Variants in PCDH15 observed in about 807,000 individuals in gnomAD.
PCDH15 encodes protocadherin related 15.
A neutral mutation model predicts 178.5 loss-of-function variants in PCDH15; 129 were observed. That is an observed-to-expected ratio of 0.72 (90% CI 0.63 to 0.84). The LOEUF (loss-of-function observed/expected upper bound fraction) is 0.84, where lower values mean the gene tolerates loss of function less well. Among genes scored for constraint, PCDH15 ranks in the 40% least tolerant of loss-of-function variants. The pLI, the probability that PCDH15 is intolerant of heterozygous loss-of-function variation, is 0.00. For synonymous variants in PCDH15, 800 were observed against 732.0 expected (o/e 1.09, Z -1.50); for missense variants, 2,230 against 2,099.9 (o/e 1.06, Z -1.21).
chr10:54,693,936 C>T (rs1194809152), intron 1 of PCDH15, among the ~76,000 whole-genome samples: 1 of 151,850 alleles, frequency 6.6e-6, no homozygotes, highest in Admixed American at 6.6e-5. Flanking sequence ...TTTTTCTCAA[C>T]GAAGTATATT....
chr10:54,162,524 A>G (rs561057439), intron 13 of PCDH15, among the ~76,000 whole-genome samples: 3 of 152,340 alleles, frequency 2.0e-5, no homozygotes, highest in Admixed American at 6.5e-5. Context: ...ATTTCAAGAT[A>G]AGATACCTTC....
intron 2 of PCDH15, among the ~76,000 whole-genome samples, chr10:54,975,932 G>T (rs1281537980): frequency 6.6e-6 from 1 of 151,852 alleles, no homozygotes; most frequent in Non-Finnish European, 1.5e-5. Flanking sequence ...TAGAACGCAA[G>T]TTTTTTTTGA....
At chr10:54,573,976 G>A (rs1400545591) in intron 2 of PCDH15, among the ~76,000 whole-genome samples, 1 of 152,158 alleles carries the variant, frequency 6.6e-6, no homozygotes, top group Non-Finnish European at 1.5e-5. Context: ...TGTGTAGGTT[G>A]CCTGTTCACT....
At position 55,206,815 on chromosome 10, in the gene PCDH15, T is replaced by C. The variant is rs186019716; in HGVS notation, c.-155-40164A>G. Among the ~76,000 whole-genome samples the C allele has an allele frequency of 2.6e-5, 4 of 152,200 alleles. No individual in the cohort carries two copies. In the East Asian group the frequency reaches 7.7e-4, roughly 29 times the overall value. On this transcript the variant is annotated intron_variant, in intron 1 of 5. Coordinates refer to the PCDH15 transcript ENST00000458638. The stretch of plus-strand genomic sequence containing the variant: ...GTACTTAAATATGGAATCAAAGTTA[T>C]TGCCTGAATAAATAATTTTGAAATT...
chr10:54,192,805 C>T (rs1007684688), intron 11 of PCDH15, among the ~76,000 whole-genome samples: 1 of 152,050 alleles, frequency 6.6e-6, no homozygotes, highest in East Asian at 1.9e-4. Context: ...AATTACTTGA[C>T]ACTTTTATAA....
At chr10:54,818,001 C>G (rs1255607658) in intron 3 of PCDH15, among the ~76,000 whole-genome samples, 2 of 151,942 alleles carry the variant, frequency 1.3e-5, no homozygotes, top group Non-Finnish European at 2.9e-5. Flanking sequence ...TTCTTTATAA[C>G]CTCCCTGATC....
intron 3 of PCDH15, among the ~76,000 whole-genome samples, chr10:54,835,139 A>T (rs1483321220): frequency 6.6e-6 from 1 of 152,150 alleles, no homozygotes. Flanking sequence ...CTCAATAATA[A>T]TATTATGTTG....
intron 1 of PCDH15, among the ~76,000 whole-genome samples, chr10:54,742,814 C>T (rs1307888527): frequency 2.0e-5 from 3 of 152,072 alleles, no homozygotes; most frequent in East Asian, 1.9e-4. Flanking sequence ...AAGAAGTCTT[C>T]GTCACAAAGA....
At chr10:55,095,314 C>T (rs1842422925) in intron 2 of PCDH15, among the ~76,000 whole-genome samples, 1 of 151,708 alleles carries the variant, frequency 6.6e-6, no homozygotes, top group African/African-American at 2.4e-5. Context: ...ACATACTTAT[C>T]TTAAATATAT....
At chr10:54,921,125 C>T (rs891758794) in intron 2 of PCDH15, among the ~76,000 whole-genome samples, 1 of 152,052 alleles carries the variant, frequency 6.6e-6, no homozygotes, top group African/African-American at 2.4e-5. Context: ...TGGTAAAAGA[C>T]TCTTATCCAT....
chr10:53,871,510 G>A (rs907952761), intron 26 of PCDH15, among the ~76,000 whole-genome samples: 1 of 148,824 alleles, frequency 6.7e-6, no homozygotes, highest in Non-Finnish European at 1.5e-5. Context: ...ATATGACCAA[G>A]TCCAGTGTAA....
intron 3 of PCDH15, among the ~76,000 whole-genome samples, chr10:54,843,964 A>G (rs1953462646): frequency 6.6e-6 from 1 of 152,046 alleles, no homozygotes; most frequent in Admixed American, 6.6e-5. Flanking sequence ...CAAAATAGGA[A>G]AATAGTTTTA....
Position 54,496,912 on chromosome 10 carries a change from G to A in PCDH15, c.157+30900C>T, listed in dbSNP as rs143878285. 3.4e-3 allele frequency among the ~76,000 whole-genome samples: 510 copies of A among 151,990 alleles called. 1 individual carries two copies. The highest frequency in any genetic ancestry group is 0.012 in the African/African-American group (488 of 41,462). ...GTTCTGTATTATTGTACATAGAGAG[G>A]GTAATGTATGCCTAAACACATTATC... On this transcript the variant is annotated intron_variant, in intron 3 of 37. Coordinates refer to ENST00000644397, the MANE Select transcript of PCDH15 (RefSeq NM_001384140.1).
chr10:54,731,563 T>TATATATATATATATGCACAC, intron 1 of PCDH15, among the ~76,000 whole-genome samples: 1 of 49,928 alleles, frequency 2.0e-5, no homozygotes, highest in African/African-American at 6.5e-5. Flanking sequence ...TATATATATA[T>TATATATATATATATGCACAC]ACACACACAC....
intron 2 of PCDH15, among the ~76,000 whole-genome samples, chr10:54,635,070 AT>A: frequency 6.6e-6 from 1 of 151,400 alleles, no homozygotes; most frequent in Non-Finnish European, 1.5e-5. Flanking sequence ...AATTTTGATT[AT>A]TTTTTCCTTG....
chr10:54,260,516 T>C (rs955511817), intron 8 of PCDH15, among the ~76,000 whole-genome samples: 3 of 152,096 alleles, frequency 2.0e-5, no homozygotes, highest in Admixed American at 2.0e-4. Context: ...ATGATTTATA[T>C]AGTCTTTAAA....
intron 2 of PCDH15, among the ~76,000 whole-genome samples, chr10:55,070,596 T>C (rs966712016): frequency 2.2e-4 from 33 of 152,286 alleles, no homozygotes; most frequent in African/African-American, 7.7e-4. Flanking sequence ...TGTAGATACG[T>C]GGCGTTATTT....
At chr10:54,270,025 A>T (rs2057946532) in intron 8 of PCDH15, among the ~76,000 whole-genome samples, 1 of 152,062 alleles carries the variant, frequency 6.6e-6, no homozygotes, top group African/African-American at 2.4e-5. Flanking sequence ...GTATTCATTT[A>T]TCTTTGATCT....
chr10:54,591,117 C>A (rs976270116), intron 2 of PCDH15, among the ~76,000 whole-genome samples: 3 of 152,220 alleles, frequency 2.0e-5, no homozygotes, highest in East Asian at 3.9e-4. Flanking sequence ...GCCCCTAGAA[C>A]CCCAGTGCCT....
Sources: allele counts gnomAD v4.1 joint callset (sites outside exome capture counted in the v4.1 genomes callset), GRCh38; gene constraint gnomAD v4.1.1; transcripts MANE v1.5; gene names NCBI Gene and HGNC (gene_info 2026-07-23, HGNC 2026-07-21).